The following NID2 variants were observed in gnomAD, a reference collection of about 807,000 sequenced individuals.
NID2 encodes the protein nidogen 2, also known as nidogen-2.
A neutral mutation model predicts 145.4 loss-of-function variants in NID2; 83 were observed. That is an observed-to-expected ratio of 0.57 (90% confidence interval 0.48 to 0.69). The LOEUF (loss-of-function observed/expected upper bound fraction) is 0.69, where lower values mean the gene tolerates loss of function less well. Among genes scored for constraint, NID2 ranks in the 30% least tolerant of loss-of-function variants. The pLI is 0.00. For missense variants in NID2, 1,807 were observed against 1,765.7 expected (o/e 1.02, Z -0.42); for synonymous variants, 739 against 701.3 (o/e 1.05, Z -0.85).
intron 14 of NID2, among the ~76,000 whole-genome samples, chr14:52,017,130 C>G (rs1891237735): frequency 6.6e-6 from 1 of 152,188 alleles, no homozygotes; most frequent in Non-Finnish European, 1.5e-5. Flanking sequence ...CCCTGCTCCA[C>G]ATTCAGAACT....
intron 9 of NID2, among the ~76,000 whole-genome samples, chr14:52,030,562 A>T (rs1454261813): frequency 1.5e-5 from 1 of 65,002 alleles, no homozygotes; most frequent in Non-Finnish European, 3.5e-5. Context: ...GAAAGAAAGA[A>T]AGAAAGGAAG....
At chr14:52,056,935 G>C (rs1165873691) in intron 3 of NID2, among the ~76,000 whole-genome samples, 6 of 152,186 alleles carry the variant, frequency 3.9e-5, no homozygotes, top group Non-Finnish European at 5.9e-5. Context: ...CAGAGGAAGA[G>C]TATGACAAAC....
chr14:52,058,886 C>A (rs887507324), intron 3 of NID2, among the ~76,000 whole-genome samples: 1 of 151,692 alleles, frequency 6.6e-6, no homozygotes, highest in East Asian at 1.9e-4. Flanking sequence ...GAGGGTGGAA[C>A]CAGAGGAGGG....
chr14:52,007,936 C>A lies in NID2; in HGVS notation c.3754G>T (p.Ala1252Ser), dbSNP rs966408781. The change falls in exon 19 of 22, where the codon GCT (alanine) becomes TCT (serine). Residue 1252 changes from alanine to serine, a missense_variant. Coordinates refer to ENST00000216286, the MANE Select transcript of NID2 (RefSeq NM_007361.4). ...NLYWTDWNRE[A>S]PKIETSSLDG... ...AAAGATGACGTTTCAATTTTAGGAG[C>A]TTCTCTATTCCAGTCTGTCCAGTAC... 3.1e-6 allele frequency: 5 copies of A among 1,613,580 alleles called. No individual in the cohort carries two copies. In the South Asian group the frequency reaches 5.5e-5, roughly 18 times the overall value.
At chr14:52,055,305 C>T (rs1323506227) in intron 3 of NID2, among the ~76,000 whole-genome samples, 2 of 152,178 alleles carry the variant, frequency 1.3e-5, no homozygotes, top group Non-Finnish European at 2.9e-5. Flanking sequence ...AGTCAATAAG[C>T]ATCTGAATTA....
At chr14:52,017,954 G>GA (rs1891273766) in intron 14 of NID2, among the ~76,000 whole-genome samples, 1 of 152,170 alleles carries the variant, frequency 6.6e-6, no homozygotes, top group Admixed American at 6.5e-5. Context: ...GAGGAGCTGG[G>GA]ACTACAGGTG....
chr14:52,030,962 G>T (rs568765194), intron 9 of NID2, among the ~76,000 whole-genome samples: 1 of 152,302 alleles, frequency 6.6e-6, no homozygotes, highest in South Asian at 2.1e-4. Flanking sequence ...CTAACTACAT[G>T]GTGAGGAAAA....
intron 8 of NID2, 98 bp from the exon 9 acceptor site, chr14:52,039,075 G>A (rs1194357740): frequency 5.8e-6 from 5 of 868,966 alleles, no homozygotes; most frequent in Non-Finnish European, 8.7e-6. Context: ...AATTCTTGGA[G>A]TGTGTTCCCT....
chr14:52,044,552 G>C (rs1892416300), intron 5 of NID2, among the ~76,000 whole-genome samples: 1 of 151,940 alleles, frequency 6.6e-6, no homozygotes, highest in Admixed American at 6.6e-5. Context: ...TAACAGGCGT[G>C]AGCCACCCCG....
intron 9 of NID2, among the ~76,000 whole-genome samples, chr14:52,032,952 T>A (rs74049351): frequency 0.093 from 14,108 of 152,130 alleles, 705 homozygotes; most frequent in Non-Finnish European, 0.11. Context: ...TAATTTGCAA[T>A]CCCCAGTGCA....
intron 5 of NID2, among the ~76,000 whole-genome samples, chr14:52,046,733 GTAA>G (rs1892510666): frequency 6.6e-6 from 1 of 152,236 alleles, no homozygotes; most frequent in South Asian, 2.1e-4. Flanking sequence ...GACTTAAACT[GTAA>G]TTACAATGGG....
At chr14:52,066,413 A>G (rs543069706) in intron 2 of NID2, among the ~76,000 whole-genome samples, 2 of 152,292 alleles carry the variant, frequency 1.3e-5, no homozygotes, top group East Asian at 3.9e-4. Context: ...ATTATAGTCA[A>G]TAATAACTTA....
At chr14:52,046,944 C>A (rs534099041) in intron 5 of NID2, among the ~76,000 whole-genome samples, 1 of 152,332 alleles carries the variant, frequency 6.6e-6, no homozygotes, top group Admixed American at 6.5e-5. Flanking sequence ...CTCTTCCACG[C>A]CTGCCTTCAT....
intron 6 of NID2, among the ~76,000 whole-genome samples, 154 bp from the exon 7 acceptor site, chr14:52,042,504 A>G (rs1892321376): frequency 6.8e-6 from 1 of 147,646 alleles, no homozygotes; most frequent in African/African-American, 2.5e-5. Flanking sequence ...TCTATGAAAC[A>G]GTCCTGCCTC....
intron 5 of NID2, among the ~76,000 whole-genome samples, chr14:52,049,110 G>A (rs551463636): frequency 1.3e-4 from 20 of 152,202 alleles, no homozygotes; most frequent in Admixed American, 3.3e-4. Flanking sequence ...ATTTTGTCAT[G>A]GATTTGTTAA....
rs773897209 is a variant in NID2 at position 52,015,243 on chromosome 14, G to A, written c.3061C>T (p.Arg1021Cys). 1.6e-5 allele frequency: 26 copies of A among 1,612,800 alleles called. No homozygotes were observed. The highest frequency in any genetic ancestry group is 5.0e-5 in the Admixed American group (3 of 59,982). Residue 1021 changes from arginine to cysteine, a missense_variant, in exon 15 of 22, where the codon CGC becomes TGC. By Grantham distance (180) the Arg-to-Cys change is radical. Coordinates refer to ENST00000216286, the MANE Select transcript of NID2 (RefSeq NM_007361.4). ...PTQRPPTICE[R>C]WRENLLEHYG... is the part of the protein sequence containing the mutation. ...TGCTCCAGCAGGTTTTCCCTCCAGC[G>A]CTCACAGATGGTCGGGGGCCTCTGG...
rs66551436 is a variant in NID2, at chr14:52,030,567, A to AGAACGAAC, written c.2258-878_2258-877insGTTCGTTC. ...AAGAAAGAAAGAAAGAAAGAAAGAA[A>AGAACGAAC]GGAAGGAAGGGAAAGAAAGAAAGAA... On this transcript the variant is annotated intron_variant, in intron 9 of 21. Transcript: ENST00000216286. Among the ~76,000 whole-genome samples, 44 of 99,320 alleles carry AGAACGAAC rather than the reference A, an allele frequency of 4.4e-4. 2 individuals carry two copies. Among genetic ancestry groups the AGAACGAAC allele is most frequent in the African/African-American group, 1.3e-3 (34 of 26,044 alleles). The allele number at this position is 99,320 out of a possible 152,430, so 65.2% of individuals were successfully genotyped here.
chr14:52,057,682 G>A (rs372877116), intron 3 of NID2, among the ~76,000 whole-genome samples: 4 of 128,218 alleles, frequency 3.1e-5, no homozygotes, highest in Non-Finnish European at 4.7e-5. Flanking sequence ...CAGCCTGGGC[G>A]ACAAGAGCGA....
intron 18 of NID2, chr14:52,008,990 G>T (rs1044704435): frequency 2.0e-5 from 3 of 152,124 alleles, no homozygotes; most frequent in Admixed American, 2.0e-4. Flanking sequence ...AAACAAACAG[G>T]TTTATCGTTA....
Sources: gnomAD v4.1 joint callset for allele counts (sites outside exome capture counted in the v4.1 genomes callset) on GRCh38, gnomAD v4.1.1 for gene constraint, MANE v1.5 for transcripts, NCBI Gene and HGNC (gene_info 2026-07-23, HGNC 2026-07-21) for gene names.